Variants in ATP8B4 observed in about 807,000 individuals in gnomAD.
ATP8B4 encodes the protein ATPase phospholipid transporting 8B4 (putative).
Under a neutral mutation model 145.6 loss-of-function variants are expected in ATP8B4, and 133 were observed. That is an observed-to-expected ratio of 0.91 (90% CI 0.79 to 1.05). ATP8B4 has a LOEUF of 1.05. Ranked by LOEUF, ATP8B4 falls within the 50% of genes least tolerant of loss-of-function variation. ATP8B4 has a pLI of 0.00. For missense variants in ATP8B4, 1,458 were observed against 1,425.2 expected (o/e 1.02, Z -0.37); for synonymous variants, 507 against 492.9 (o/e 1.03, Z -0.38).
chr15:50,097,436 T>C (rs2056062027), intron 2 of ATP8B4, among the ~76,000 whole-genome samples: 1 of 152,248 alleles, frequency 6.6e-6, no homozygotes, highest in Admixed American at 6.5e-5. Flanking sequence ...TGAACCTCCA[T>C]GACCCCTAGG....
chr15:50,029,285 C>T (rs2050261883), intron 6 of ATP8B4, among the ~76,000 whole-genome samples: 1 of 141,206 alleles, frequency 7.1e-6, no homozygotes, highest in Admixed American at 7.1e-5. Flanking sequence ...ATTTTATTCT[C>T]TTGCAGCTCT....
At chr15:49,900,487 C>T (rs1033539882) in intron 21 of ATP8B4, among the ~76,000 whole-genome samples, 1 of 152,164 alleles carries the variant, frequency 6.6e-6, no homozygotes, top group Non-Finnish European at 1.5e-5. Flanking sequence ...ATTAGAAACT[C>T]AGAAGAGTAT....
intron 1 of ATP8B4, among the ~76,000 whole-genome samples, chr15:50,142,438 G>A (rs1007570795): frequency 6.6e-5 from 10 of 152,016 alleles, no homozygotes; most frequent in African/African-American, 2.2e-4. Context: ...ACCCTGTCAC[G>A]CCCCTTCCCA....
chr15:49,968,360 T>C (rs2044749788), intron 13 of ATP8B4, among the ~76,000 whole-genome samples: 1 of 152,166 alleles, frequency 6.6e-6, no homozygotes, highest in Non-Finnish European at 1.5e-5. Context: ...CCCACTGGTG[T>C]GCTGTATTCA....
chr15:50,160,266 G>A (rs1161189117), intron 1 of ATP8B4, among the ~76,000 whole-genome samples: 3 of 150,944 alleles, frequency 2.0e-5, no homozygotes, highest in East Asian at 1.9e-4. Flanking sequence ...CTCTGATTTT[G>A]TTTGGTCGTC....
chr15:49,911,201 G>C (rs1219206630), intron 20 of ATP8B4, among the ~76,000 whole-genome samples: 1 of 151,984 alleles, frequency 6.6e-6, no homozygotes, highest in Non-Finnish European at 1.5e-5. Flanking sequence ...TGGCGGAATG[G>C]GTTTTTTAAA....
chr15:50,000,673 A>C (rs1385923442), intron 8 of ATP8B4, among the ~76,000 whole-genome samples: 2 of 152,168 alleles, frequency 1.3e-5, no homozygotes, highest in Admixed American at 1.3e-4. Flanking sequence ...TCCTCCTAAC[A>C]GGAACTTCTG....
intron 3 of ATP8B4, among the ~76,000 whole-genome samples, chr15:50,064,148 C>G (rs1017313258): frequency 2.6e-5 from 4 of 152,110 alleles, no homozygotes; most frequent in Non-Finnish European, 5.9e-5. Flanking sequence ...AAGCTAATTT[C>G]CTTGCAGTAC....
Position 50,085,963 on chromosome 15 carries a change from T to TCA in ATP8B4, c.29-11779_29-11778insTG, listed in dbSNP as rs1567331356. ...TATATATGATATATATCATATATAT[T>TCA]TATATATGATATATCAAATATATCA... On this transcript the variant is annotated intron_variant, in intron 2 of 27. Transcript: ENST00000284509. 3.3e-3 allele frequency among the ~76,000 whole-genome samples: 178 copies of TCA among 53,764 alleles called. 23 individuals are homozygous for TCA. The highest frequency in any genetic ancestry group is 0.019 in the African/African-American group (172 of 9,020). 35.3% of individuals were successfully genotyped at this position (53,764 alleles called of 152,430 possible). A position where few individuals can be genotyped will look rare whatever the true frequency, so the allele number is the denominator to read the frequency against.
At chr15:50,154,846 T>C (rs761620727) in intron 1 of ATP8B4, among the ~76,000 whole-genome samples, 2 of 152,152 alleles carry the variant, frequency 1.3e-5, no homozygotes, top group Non-Finnish European at 2.9e-5. Context: ...AGCTAACTTT[T>C]GTATGTTTTG....
At chr15:50,085,846 T>G (rs1409638328) in intron 2 of ATP8B4, among the ~76,000 whole-genome samples, 4 of 107,992 alleles carry the variant, frequency 3.7e-5, no homozygotes, top group Non-Finnish European at 5.4e-5. Flanking sequence ...ATAGATTATT[T>G]TATTATATAT....
intron 14 of ATP8B4, among the ~76,000 whole-genome samples, chr15:49,949,182 T>G (rs545698350): frequency 6.6e-6 from 1 of 152,344 alleles, no homozygotes; most frequent in Admixed American, 6.5e-5. Context: ...AAATTTAACA[T>G]AGCTTTTTCT....
intron 3 of ATP8B4, among the ~76,000 whole-genome samples, chr15:50,056,986 A>C (rs1158929290): frequency 6.6e-6 from 1 of 151,950 alleles, no homozygotes; most frequent in African/African-American, 2.4e-5. Context: ...TCGGCCTCTC[A>C]CAGAACTGGG....
chr15:49,974,579 G>C (rs914341626), intron 12 of ATP8B4, among the ~76,000 whole-genome samples: 1 of 151,808 alleles, frequency 6.6e-6, no homozygotes, highest in Non-Finnish European at 1.5e-5. Flanking sequence ...TCTTTCTAAA[G>C]GATCAAATTT....
chr15:50,163,854 C>T (rs1392173977), intron 1 of ATP8B4, among the ~76,000 whole-genome samples: 1 of 152,156 alleles, frequency 6.6e-6, no homozygotes, highest in African/African-American at 2.4e-5. Flanking sequence ...AGACAAAGTC[C>T]TTCCCCTTCT....
intron 20 of ATP8B4, among the ~76,000 whole-genome samples, chr15:49,913,003 T>C (rs1400955849): frequency 6.6e-6 from 1 of 151,942 alleles, no homozygotes; most frequent in Admixed American, 6.6e-5. Context: ...TGGTGGCTTA[T>C]ACCTGTAGTC....
intron 12 of ATP8B4, 56 bp from the exon 13 acceptor site, chr15:49,972,846 T>A: frequency 6.4e-7 from 1 of 1,553,020 alleles, no homozygotes; most frequent in South Asian, 1.2e-5. Context: ...TTTCAGAACA[T>A]ACAATATTTT....
At position 50,023,781 on chromosome 15, in the gene ATP8B4, A is replaced by G. The variant is rs1179919181; in HGVS notation, c.363-12864T>C. Among the ~76,000 whole-genome samples the G allele has an allele frequency of 2.8e-4, 8 of 28,640 alleles. No homozygotes were observed. The African/African-American group carries it at 6.0e-3, about 21-fold the overall frequency. The allele number at this position is 28,640 out of a possible 152,430, so 18.8% of individuals were successfully genotyped here. A position where few individuals can be genotyped will look rare whatever the true frequency, so the allele number is the denominator to read the frequency against. The stretch of plus-strand genomic sequence containing the variant: ...CCACAAAAAATTGAGACCAAAGGCA[A>G]AAAAAAAAAAAAAAAGAAAAAAAAG... On this transcript the variant is annotated intron_variant, in intron 6 of 27. Coordinates refer to ENST00000284509, the MANE Select transcript of ATP8B4 (RefSeq NM_024837.4).
chr15:50,100,286 T>G (rs148524691), intron 2 of ATP8B4, among the ~76,000 whole-genome samples: 33 of 152,244 alleles, frequency 2.2e-4, no homozygotes, highest in African/African-American at 7.2e-4. Flanking sequence ...GCATGATTTT[T>G]CCCTCTGACA....
Sources: allele counts gnomAD v4.1 joint callset (sites outside exome capture counted in the v4.1 genomes callset), GRCh38; gene constraint gnomAD v4.1.1; transcripts MANE v1.5; gene names NCBI Gene and HGNC (gene_info 2026-07-23, HGNC 2026-07-21).